Variants in PARK7 observed in about 807,000 individuals in gnomAD.
PARK7 encodes Parkinson disease protein 7.
PARK7 carries 14 observed loss-of-function variants against 20.5 expected under a neutral mutation model. The ratio of observed to expected loss-of-function variants is 0.68; its 90% confidence interval spans 0.45 to 1.07. The LOEUF is 1.07. Among genes scored for constraint, PARK7 ranks in the 50% least tolerant of loss-of-function variants. The pLI is 0.00. For missense variants in PARK7, 234 were observed against 238.1 expected (o/e 0.98, Z 0.11); for synonymous variants, 98 against 84.3 (o/e 1.16, Z -0.89).
At position 7,974,407 on chromosome 1, in the gene PARK7, A is replaced by G. The variant is rs187588267; in HGVS notation, c.323-3245A>G. ...CACTTTGGGAGGCCGAGGCGTGCGG[A>G]TCACAAGGTCAGGAGATCGAGACCA... On this transcript the variant is annotated intron_variant, in intron 5 of 6. Transcript: ENST00000338639. Among the ~76,000 whole-genome samples, 516 of 152,202 alleles carry G rather than the reference A, an allele frequency of 3.4e-3. 2 individuals are homozygous for G. Among genetic ancestry groups the G allele is most frequent in the African/African-American group, 0.011 (477 of 41,544 alleles).
intron 6 of PARK7, among the ~76,000 whole-genome samples, chr1:7,981,897 A>T (rs1416676944): frequency 7.1e-6 from 1 of 141,706 alleles, no homozygotes; most frequent in Non-Finnish European, 1.5e-5. Flanking sequence ...TGACCTTGTG[A>T]TCTGCCCTCC....
intron 3 of PARK7, among the ~76,000 whole-genome samples, chr1:7,966,718 AAAT>A (rs1014897245): frequency 9.2e-5 from 14 of 152,134 alleles, no homozygotes; most frequent in Non-Finnish European, 1.5e-4. Context: ...CCTGTCTCAA[AAAT>A]AATAATAATA....
At chr1:7,975,245 C>T (rs1387076272) in intron 5 of PARK7, among the ~76,000 whole-genome samples, 5 of 151,970 alleles carry the variant, frequency 3.3e-5, no homozygotes, top group African/African-American at 4.8e-5. Context: ...GAATGAGGAA[C>T]GCAAATTGGA....
Position 7,985,110 on chromosome 1 carries a change from C to G in PARK7, c.*56C>G. ...ACAGGCCGTTAGGAATCCATTCTCA[C>G]TGTGTTCGCTCTAAACAAAACAGTG... is the stretch of plus-strand genomic sequence containing the variant. On this transcript the variant is annotated 3_prime_UTR_variant, in exon 7 of 7. Coordinates refer to ENST00000338639, the MANE Select transcript of PARK7 (RefSeq NM_007262.5). 1 of 1,587,040 alleles carries G rather than the reference C, an allele frequency of 6.3e-7. No homozygotes were observed. The highest frequency in any genetic ancestry group is 1.8e-5 in the Admixed American group (1 of 55,240).
intron 5 of PARK7, chr1:7,971,307 C>A: frequency 2.6e-6 from 1 of 378,862 alleles, no homozygotes; most frequent in Non-Finnish European, 5.1e-6. Context: ...TCAGCAAAAT[C>A]CATCAAACAT....
chr1:7,970,370 G>T (rs1302319351), intron 4 of PARK7, among the ~76,000 whole-genome samples: 1 of 152,182 alleles, frequency 6.6e-6, no homozygotes, highest in Non-Finnish European at 1.5e-5. Context: ...TTAACTGGGG[G>T]AAGCTGTGGG....
intron 3 of PARK7, among the ~76,000 whole-genome samples, chr1:7,967,453 T>G (rs555479759): frequency 6.6e-6 from 1 of 152,356 alleles, no homozygotes; most frequent in South Asian, 2.1e-4. Context: ...TGCTGGACCA[T>G]ATGGTAGTTC....
At chr1:7,963,474 C>T (rs893832671) in intron 2 of PARK7, among the ~76,000 whole-genome samples, 11 of 151,382 alleles carry the variant, frequency 7.3e-5, no homozygotes, top group African/African-American at 2.7e-4. Flanking sequence ...ACCTCTGCCT[C>T]CCGGGTTCAA....
chr1:7,973,189 G>A (rs1350449776), intron 5 of PARK7, among the ~76,000 whole-genome samples: 1 of 152,230 alleles, frequency 6.6e-6, no homozygotes, highest in Non-Finnish European at 1.5e-5. Flanking sequence ...ACCCTGGCAG[G>A]TCTTGTACGT....
intron 2 of PARK7, among the ~76,000 whole-genome samples, chr1:7,964,648 G>A (rs1483755216): frequency 6.6e-6 from 1 of 152,194 alleles, no homozygotes; most frequent in Non-Finnish European, 1.5e-5. Flanking sequence ...GCATGACTAG[G>A]TTTTGCCAAG....
At chr1:7,970,650 C>G (rs1393524425) in intron 4 of PARK7, among the ~76,000 whole-genome samples, 2 of 152,198 alleles carry the variant, frequency 1.3e-5, no homozygotes, top group African/African-American at 4.8e-5. Context: ...GGTCAAATTG[C>G]TTCTTCTGAT....
At chr1:7,980,281 A>G (rs775966829) in intron 6 of PARK7, among the ~76,000 whole-genome samples, 4 of 152,148 alleles carry the variant, frequency 2.6e-5, no homozygotes, top group Non-Finnish European at 5.9e-5. Flanking sequence ...AAAGAAATGG[A>G]AAGAACAGAA....
intron 5 of PARK7, among the ~76,000 whole-genome samples, chr1:7,975,379 C>G (rs1640559309): frequency 6.6e-6 from 1 of 152,114 alleles, no homozygotes; most frequent in African/African-American, 2.4e-5. Context: ...AATGAGGCCT[C>G]TGGAAGCAAG....
intron 6 of PARK7, among the ~76,000 whole-genome samples, chr1:7,982,215 G>A (rs1341925353): frequency 3.3e-5 from 5 of 149,534 alleles, no homozygotes; most frequent in Non-Finnish European, 5.9e-5. Flanking sequence ...TTGAAATCCT[G>A]ACCTCAGGTG....
At chr1:7,967,316 T>G (rs1380292114) in intron 3 of PARK7, among the ~76,000 whole-genome samples, 4 of 152,208 alleles carry the variant, frequency 2.6e-5, no homozygotes, top group Non-Finnish European at 5.9e-5. Context: ...TGCATTCATC[T>G]GTTGTTGGAC....
intron 2 of PARK7, 79 bp from the exon 3 acceptor site, chr1:7,965,245 T>C: frequency 3.7e-6 from 5 of 1,363,426 alleles, no homozygotes; most frequent in Non-Finnish European, 5.2e-6. Context: ...CCATCTCTCT[T>C]TTTTCTTTTT....
In PARK7 at chr1:7,964,617, C is replaced by T. The variant is rs374267735; in HGVS notation, c.91-707C>T. ...TATATCTAAAAGTAGAATGACTAGG[C>T]CGAAGGATAGCCTGTAGTCAGCATG... is the stretch of plus-strand genomic sequence containing the variant. On this transcript the variant is annotated intron_variant, in intron 2 of 6. Transcript: ENST00000338639. 3.9e-5 allele frequency among the ~76,000 whole-genome samples: 6 copies of T among 152,086 alleles called. No individual in the cohort carries two copies. The East Asian group carries it at 9.6e-4, about 24-fold the overall frequency.
intron 3 of PARK7, among the ~76,000 whole-genome samples, 182 bp downstream of exon 3, chr1:7,965,607 C>T (rs1463383795): frequency 6.6e-6 from 1 of 152,136 alleles, no homozygotes; most frequent in African/African-American, 2.4e-5. Context: ...GTGGCAATTG[C>T]TTGATACAGA....
chr1:7,977,644 ATTC>A lies in PARK7; in HGVS notation c.323-5_323-3del, dbSNP rs1158199167. 1.2e-6 allele frequency: 2 copies of A among 1,611,654 alleles called. No individual in the cohort carries two copies. Among genetic ancestry groups the A allele is most frequent in the Non-Finnish European group, 8.5e-7 (1 of 1,178,170 alleles). ...TCTGCACTTAGATCTTTTTATTTTT[ATTC>A]TTAGGTCCTACTGCTCTGTTGGCTC... On this transcript the variant is annotated splice_region_variant and splice_polypyrimidine_tract_variant and intron_variant, in intron 5 of 6. Coordinates refer to ENST00000338639, the MANE Select transcript of PARK7 (RefSeq NM_007262.5).
Sources: gnomAD v4.1 joint callset for allele counts (sites outside exome capture counted in the v4.1 genomes callset) on GRCh38, gnomAD v4.1.1 for gene constraint, MANE v1.5 for transcripts, NCBI Gene and HGNC (gene_info 2026-07-23, HGNC 2026-07-21) for gene names.